The following ANK1 variants were observed in gnomAD, a reference collection of about 807,000 sequenced individuals.
ANK1 encodes ankyrin-1.
In ANK1, 51 loss-of-function variants were observed where a neutral mutation model predicts 210.4. That is an observed-to-expected ratio of 0.24 (90% confidence interval 0.19 to 0.31). The LOEUF (loss-of-function observed/expected upper bound fraction) is 0.31. Among genes scored for constraint, ANK1 ranks in the 10% least tolerant of loss-of-function variants. The pLI is 1.00. For synonymous variants in ANK1, 967 were observed against 1,025.9 expected, an observed-to-expected ratio of 0.94 and a Z score of 1.10; for missense variants, 2,051 against 2,504.4, an observed-to-expected ratio of 0.82 and a Z score of 3.86.
In ANK1 at chr8:41,653,424, A is replaced by G. The variant is rs1804707372; in HGVS notation, c.*2366T>C. The G allele has an allele frequency of 6.5e-6, 1 of 152,712 alleles. No individual in the cohort carries two copies. The highest frequency in any genetic ancestry group is 2.4e-5 in the African/African-American group (1 of 41,466). 9.5% of individuals were successfully genotyped at this position (152,712 alleles called of 1,614,324 possible). A position where few individuals can be genotyped will look rare whatever the true frequency, so the allele number is the denominator to read the frequency against. Reference sequence around the variant, plus strand: ...AAAAAGCGTCTAATGTGCAGACTGCAGCATTCTCTAGGCATCGTGTGGAGA... The same window carrying G: ...AAAAAGCGTCTAATGTGCAGACTGCGGCATTCTCTAGGCATCGTGTGGAGA... On this transcript the variant is annotated 3_prime_UTR_variant, in exon 43 of 43. Coordinates refer to ENST00000289734, the MANE Select transcript of ANK1 (RefSeq NM_000037.4).
At chr8:41,843,370 AC>A (rs1809377614) in intron 1 of ANK1, among the ~76,000 whole-genome samples, 1 of 151,796 alleles carries the variant, frequency 6.6e-6, no homozygotes, top group African/African-American at 2.4e-5. Flanking sequence ...GTGCACTTGT[AC>A]CCTTTCACCC....
At chr8:41,671,484 T>G (rs939534340) in intron 38 of ANK1, among the ~76,000 whole-genome samples, 5 of 152,148 alleles carry the variant, frequency 3.3e-5, no homozygotes, top group African/African-American at 1.2e-4. Context: ...ATTGCTCTTT[T>G]AAGTGAGCCA....
intron 1 of ANK1, among the ~76,000 whole-genome samples, chr8:41,766,259 G>A (rs1188782865): frequency 2.0e-5 from 3 of 152,138 alleles, no homozygotes; most frequent in African/African-American, 2.4e-5. Flanking sequence ...TCTGAGAGCC[G>A]CACTGGGGTA....
At chr8:41,816,429 C>A (rs915278377) in intron 1 of ANK1, among the ~76,000 whole-genome samples, 5 of 152,252 alleles carry the variant, frequency 3.3e-5, no homozygotes, top group East Asian at 3.9e-4. Context: ...TTTAATTAAA[C>A]AAATAATATT....
intron 23 of ANK1, 120 bp from the exon 24 acceptor site, chr8:41,698,241 C>T: frequency 1.0e-6 from 1 of 988,904 alleles, no homozygotes; most frequent in East Asian, 2.6e-5. Flanking sequence ...CTGCGCTTCA[C>T]AACCTGGTGG....
intron 39 of ANK1, among the ~76,000 whole-genome samples, chr8:41,667,622 G>T (rs534713034): frequency 6.6e-6 from 1 of 152,116 alleles, no homozygotes; most frequent in Non-Finnish European, 1.5e-5. Context: ...CAACAAACTC[G>T]AAGGGAATCC....
intron 1 of ANK1, among the ~76,000 whole-genome samples, chr8:41,824,886 C>T (rs1471616813): frequency 2.0e-5 from 3 of 152,200 alleles, no homozygotes; most frequent in Non-Finnish European, 4.4e-5. Flanking sequence ...CTGGGGCTGG[C>T]TGGCTGTAGG....
chr8:41,864,980 AGCCACAAACACG>A (rs1294891685), intron 1 of ANK1, among the ~76,000 whole-genome samples: 2 of 152,246 alleles, frequency 1.3e-5, no homozygotes, highest in Non-Finnish European at 2.9e-5. Context: ...AGAGGGGACC[AGCCACAAACACG>A]GCAACCCCTT....
At chr8:41,816,309 T>G (rs1225495974) in intron 1 of ANK1, among the ~76,000 whole-genome samples, 3 of 152,242 alleles carry the variant, frequency 2.0e-5, no homozygotes, top group African/African-American at 7.2e-5. Context: ...GCAGTTTTAC[T>G]TGCACAGTTG....
Position 41,692,561 on chromosome 8 carries a change from A to ACTGC in ANK1, c.3858+83_3858+86dup, listed in dbSNP as rs1278839463. ...GGAGCCCCTCGTCTACAGAGGGAGG[A>ACTGC]CTGCCTGCCTGCACCTGGTAATGGT... On this transcript the variant is annotated intron_variant, in intron 31 of 42. Transcript: ENST00000289734. The ACTGC allele has an allele frequency of 1.9e-5, 26 of 1,339,966 alleles. No individual in the cohort carries two copies. In the Admixed American group the frequency reaches 4.2e-4, roughly 22 times the overall value. The allele number at this position is 1,339,966 out of a possible 1,614,324, so 83.0% of individuals were successfully genotyped here. A position where few individuals can be genotyped will look rare whatever the true frequency, so the allele number is the denominator to read the frequency against.
At chr8:41,816,066 C>T (rs1312874682) in intron 1 of ANK1, among the ~76,000 whole-genome samples, 1 of 152,102 alleles carries the variant, frequency 6.6e-6, no homozygotes, top group Non-Finnish European at 1.5e-5. Flanking sequence ...ATTTATAAAC[C>T]TTTATCGCTC....
chr8:41,733,512 C>T (rs1832713144), intron 3 of ANK1, among the ~76,000 whole-genome samples: 1 of 152,142 alleles, frequency 6.6e-6, no homozygotes, highest in Non-Finnish European at 1.5e-5. Context: ...TTGATGTATG[C>T]CATCTCACTT....
At chr8:41,767,511 G>A (rs1332885290) in intron 1 of ANK1, among the ~76,000 whole-genome samples, 1 of 152,084 alleles carries the variant, frequency 6.6e-6, no homozygotes, top group African/African-American at 2.4e-5. Context: ...CACTCGCCCC[G>A]GCCCGGCCCT....
chr8:41,767,947 A>C (rs1842222733), intron 1 of ANK1, among the ~76,000 whole-genome samples: 1 of 152,172 alleles, frequency 6.6e-6, no homozygotes, highest in Non-Finnish European at 1.5e-5. Flanking sequence ...ATACCAGTTA[A>C]TCAGCCTATT....
chr8:41,713,872 C>A (rs540049873), intron 16 of ANK1, among the ~76,000 whole-genome samples: 1 of 152,190 alleles, frequency 6.6e-6, no homozygotes, highest in African/African-American at 2.4e-5. Flanking sequence ...ACCCAGCTGA[C>A]GTGCAACTGC....
intron 31 of ANK1, 27 bp downstream of exon 31, chr8:41,692,621 A>T: frequency 6.3e-7 from 1 of 1,598,342 alleles, no homozygotes; most frequent in Non-Finnish European, 8.6e-7. Context: ...TTTGTCCCAG[A>T]GGCGGTGCAG....
chr8:41,845,793 TTC>T (rs1809912005), intron 1 of ANK1, among the ~76,000 whole-genome samples: 1 of 152,216 alleles, frequency 6.6e-6, no homozygotes, highest in Admixed American at 6.5e-5. Flanking sequence ...GTTTTTCTCC[TTC>T]CCCTCCTGCT....
chr8:41,672,976 A>G, intron 37 of ANK1, 64 bp from the exon 38 acceptor site: 2 of 1,475,504 alleles, frequency 1.4e-6, no homozygotes, highest in Non-Finnish European at 9.2e-7. Context: ...ATTCACGTGC[A>G]GGTCCACGCA....
At chr8:41,677,594 G>GTTT (rs56330906) in intron 37 of ANK1, among the ~76,000 whole-genome samples, 3 of 144,350 alleles carry the variant, frequency 2.1e-5, no homozygotes, top group African/African-American at 7.6e-5. Context: ...CTTTTTCTTT[G>GTTT]TTTTTTTTTT....
Sources: gnomAD v4.1 joint callset for allele counts (sites outside exome capture counted in the v4.1 genomes callset) on GRCh38, gnomAD v4.1.1 for gene constraint, MANE v1.5 for transcripts, NCBI Gene and HGNC (gene_info 2026-07-23, HGNC 2026-07-21) for gene names.